The following PDXDC1 variants were observed in gnomAD, a reference collection of about 807,000 sequenced individuals.
PDXDC1 encodes the protein pyridoxal dependent decarboxylase domain containing 1.
Under a neutral mutation model 100.1 loss-of-function variants are expected in PDXDC1, and 42 were observed. The ratio of observed to expected loss-of-function variants is 0.42; its 90% CI spans 0.33 to 0.54. The LOEUF is 0.54. Among genes scored for constraint, PDXDC1 ranks in the 20% least tolerant of loss-of-function variants. The pLI is 0.10. For missense variants in PDXDC1, 636 were observed against 979.2 expected (o/e 0.65, Z 4.68); for synonymous variants, 260 against 371.7 (o/e 0.70, Z 3.46).
chr16:15,087,756 A>C (rs2045965299), intron 16 of PDXDC1, among the ~76,000 whole-genome samples: 2 of 152,238 alleles, frequency 1.3e-5, no homozygotes, highest in Admixed American at 1.3e-4. Context: ...AAACTATCCT[A>C]TCTCTTTTCC....
chr16:15,111,150 AC>A (rs2047039152), intron 16 of PDXDC1, among the ~76,000 whole-genome samples: 3 of 148,062 alleles, frequency 2.0e-5, no homozygotes, highest in Non-Finnish European at 3.0e-5. Context: ...ACACACACAC[AC>A]ACACAAAACA....
chr16:15,149,496 G>A, the PDXDC1 span, among the ~76,000 whole-genome samples: 1 of 152,232 alleles, frequency 6.6e-6, no homozygotes, highest in African/African-American at 2.4e-5. Context: ...GTCTGTGGCA[G>A]TTGCGCTCTA....
rs1970415984 is a variant in PDXDC1 at position 14,990,144 on chromosome 16, C to A, written c.22-7609C>A. 3 of 1,433,620 alleles carry A rather than the reference C, an allele frequency of 2.1e-6. No individual in the cohort carries two copies. The Admixed American group carries it at 7.4e-5, about 36-fold the overall frequency. The allele number at this position is 1,433,620 out of a possible 1,614,324, so 88.8% of individuals were successfully genotyped here. A position where few individuals can be genotyped will look rare whatever the true frequency, so the allele number is the denominator to read the frequency against. On this transcript the variant is annotated intron_variant, in intron 1 of 22. Coordinates refer to ENST00000396410, the MANE Select transcript of PDXDC1 (RefSeq NM_015027.4). The stretch of plus-strand genomic sequence containing the variant: ...CAGCAGTCCCGGCAGCCCCTTGAGC[C>A]CCTGCTGTAGCCACATCGGGCCGCC...
intron 16 of PDXDC1, among the ~76,000 whole-genome samples, chr16:15,074,478 T>C (rs753362727): frequency 5.3e-5 from 8 of 152,198 alleles, no homozygotes; most frequent in Admixed American, 1.3e-4. Context: ...AAACTCCATA[T>C]ATAATCTTTC....
intron 16 of PDXDC1, chr16:15,133,690 C>G: frequency 6.3e-7 from 1 of 1,597,120 alleles, no homozygotes; most frequent in Non-Finnish European, 8.6e-7. Context: ...CAGCATCCTC[C>G]GCGTCATGCC....
Position 15,131,008 on chromosome 16 carries a change from C to A in PDXDC1, c.1400-7871C>A, listed in dbSNP as rs1232032558. 1.4e-5 allele frequency: 13 copies of A among 950,398 alleles called. No individual in the cohort carries two copies. In the African/African-American group the frequency reaches 1.9e-4, roughly 14 times the overall value. 58.9% of individuals were successfully genotyped at this position (950,398 alleles called of 1,614,324 possible). A position where few individuals can be genotyped will look rare whatever the true frequency, so the allele number is the denominator to read the frequency against. ...AGAAAGCAAATTTCACCAGAGACAC[C>A]CATGGAAGCCCTACGAGAAACGCCT... On this transcript the variant is annotated intron_variant, in intron 16 of 16. Transcript: ENST00000535621.
Position 15,127,827 on chromosome 16 carries a change from G to A in PDXDC1, c.1400-11052G>A, listed in dbSNP as rs765242135. The A allele has an allele frequency of 1.6e-5, 25 of 1,562,850 alleles. No individual in the cohort carries two copies. In the South Asian group the frequency reaches 1.6e-4, roughly 10 times the overall value. ...GCCGGTCCCATATGGAGAGCCAGAT[G>A]TGCTTGTCAAAGAAGCCGCACTGCA... On this transcript the variant is annotated intron_variant, in intron 16 of 16. Coordinates refer to the PDXDC1 transcript ENST00000535621.
chr16:15,050,395 A>G (rs867503027), intron 16 of PDXDC1, among the ~76,000 whole-genome samples: 3 of 152,178 alleles, frequency 2.0e-5, no homozygotes, highest in Non-Finnish European at 4.4e-5. Flanking sequence ...GCTTCTTGCC[A>G]TTTCGCATGA....
At chr16:15,131,320 G>A (rs747698743) in intron 16 of PDXDC1, 18 of 1,566,168 alleles carry the variant, frequency 1.1e-5, no homozygotes, top group East Asian at 4.5e-5. Flanking sequence ...GAACGCCATC[G>A]AGGCCACCTT....
intron 5 of PDXDC1, among the ~76,000 whole-genome samples, chr16:15,005,820 C>T (rs1448574759): frequency 6.6e-6 from 1 of 152,284 alleles, no homozygotes; most frequent in Non-Finnish European, 1.5e-5. Context: ...CTGCCTCAGT[C>T]TCCTGAGTAG....
chr16:15,126,098 A>G (rs1436294857), intron 16 of PDXDC1: 4 of 491,528 alleles, frequency 8.1e-6, no homozygotes, highest in Non-Finnish European at 1.1e-5. Flanking sequence ...GCACTGGCGC[A>G]ATCTCAGCTC....
chr16:15,050,685 T>C (rs1358271795), intron 16 of PDXDC1, among the ~76,000 whole-genome samples: 2 of 151,922 alleles, frequency 1.3e-5, no homozygotes, highest in Non-Finnish European at 2.9e-5. Flanking sequence ...CGAGCCATGA[T>C]TGCACCACTG....
downstream of PDXDC1, among the ~76,000 whole-genome samples, chr16:15,043,190 G>A (rs145833871): frequency 2.8e-3 from 419 of 152,074 alleles, no homozygotes; most frequent in Non-Finnish European, 4.6e-3. Context: ...ATGAGCCACC[G>A]CACCCGGCCT....
At chr16:15,086,545 T>C (rs1190318134) in intron 16 of PDXDC1, 13 of 1,558,520 alleles carry the variant, frequency 8.3e-6, no homozygotes, top group East Asian at 4.5e-5. Context: ...TTATCAAGAA[T>C]AGGTTGGGGG....
intron 16 of PDXDC1, chr16:15,131,292 G>T (rs1332413706): frequency 6.4e-7 from 1 of 1,574,374 alleles, no homozygotes; most frequent in Non-Finnish European, 8.6e-7. Flanking sequence ...TGGGGATCTG[G>T]GCGCCGGCCT....
intron 16 of PDXDC1, chr16:15,061,837 C>G: frequency 6.2e-7 from 1 of 1,614,038 alleles, no homozygotes; most frequent in Non-Finnish European, 8.5e-7. Flanking sequence ...TTGGTGTGAT[C>G]CCAATCACGG....
chr16:15,044,641 C>G (rs888092278), intron 16 of PDXDC1: 1 of 570,046 alleles, frequency 1.8e-6, no homozygotes, highest in Non-Finnish European at 3.1e-6. Flanking sequence ...TATCTGAACA[C>G]AAATGTGATG....
At chr16:15,149,439 G>T in the PDXDC1 span, among the ~76,000 whole-genome samples, 7 of 152,190 alleles carry the variant, frequency 4.6e-5, no homozygotes, top group African/African-American at 1.7e-4. Flanking sequence ...CCAGAAATGG[G>T]AGCCAGGGGC....
At chr16:15,073,589 C>CTG (rs949112494) in intron 16 of PDXDC1, among the ~76,000 whole-genome samples, 1 of 152,204 alleles carries the variant, frequency 6.6e-6, no homozygotes, top group Non-Finnish European at 1.5e-5. Context: ...ACCTCACACA[C>CTG]TGTGGCAAGG....
Sources: gnomAD v4.1 joint callset for allele counts (sites outside exome capture counted in the v4.1 genomes callset) on GRCh38, gnomAD v4.1.1 for gene constraint, MANE v1.5 for transcripts, NCBI Gene and HGNC (gene_info 2026-07-23, HGNC 2026-07-21) for gene names.